ATP13A3: variants seen among roughly 807,000 people sequenced by gnomAD.
ATP13A3 encodes the protein polyamine-transporting ATPase 13A3.
In ATP13A3, 59 loss-of-function variants were observed where a neutral mutation model predicts 158.1. The ratio of observed to expected loss-of-function variants is 0.37; its 90% CI spans 0.30 to 0.46. The LOEUF (loss-of-function observed/expected upper bound fraction) is 0.46. Ranked by LOEUF, ATP13A3 falls within the 20% of genes least tolerant of loss-of-function variation. The pLI is 1.00. For missense variants in ATP13A3, 1,166 were observed against 1,525.2 expected (o/e 0.76, Z 3.92); for synonymous variants, 491 against 504.3 (o/e 0.97, Z 0.35).
intron 28 of ATP13A3, among the ~76,000 whole-genome samples, chr3:194,428,092 A>G (rs957952620): frequency 3.9e-5 from 6 of 151,956 alleles, no homozygotes; most frequent in African/African-American, 1.4e-4. Flanking sequence ...ATGATGGTGC[A>G]CACCTGTAAT....
chr3:194,458,015 AC>A (rs1484543732), intron 6 of ATP13A3, among the ~76,000 whole-genome samples: 1 of 152,000 alleles, frequency 6.6e-6, no homozygotes, highest in African/African-American at 2.4e-5. Flanking sequence ...CAAGCTCTTG[AC>A]CTCAGGTGAT....
At chr3:194,442,773 A>G (rs534706817) in intron 15 of ATP13A3, among the ~76,000 whole-genome samples, 1 of 152,330 alleles carries the variant, frequency 6.6e-6, no homozygotes, top group East Asian at 1.9e-4. Context: ...TAAAAAGATC[A>G]CAGTGAATCT....
intron 3 of ATP13A3, among the ~76,000 whole-genome samples, chr3:194,461,915 ACTT>A (rs1418841721): frequency 2.0e-5 from 3 of 152,204 alleles, no homozygotes; most frequent in Admixed American, 6.5e-5. Flanking sequence ...GCAAAAACAT[ACTT>A]CTTCTCAGTT....
chr3:194,431,617 A>T (rs956877197), intron 22 of ATP13A3, 100 bp downstream of exon 22: 1 of 1,184,070 alleles, frequency 8.4e-7, no homozygotes, highest in Admixed American at 3.6e-5. Flanking sequence ...GTTTTCATTT[A>T]GTTTTTGCTT....
At chr3:194,483,754 C>T (rs977325012) in intron 2 of ATP13A3, among the ~76,000 whole-genome samples, 1 of 152,148 alleles carries the variant, frequency 6.6e-6, no homozygotes, top group Non-Finnish European at 1.5e-5. Flanking sequence ...AGAGGTAACA[C>T]CAAGAAGAAA....
At chr3:194,485,591 T>G (rs922370296) in intron 2 of ATP13A3, among the ~76,000 whole-genome samples, 28 of 152,192 alleles carry the variant, frequency 1.8e-4, no homozygotes, top group African/African-American at 5.5e-4. Context: ...TTCCTTAAAT[T>G]CTAACTTCCT....
rs918385142 is a variant in ATP13A3, at chr3:194,448,985, A to G, written c.971-349T>C. Among the ~76,000 whole-genome samples the G allele has an allele frequency of 6.6e-6, 1 of 151,538 alleles. No homozygotes were observed. The highest frequency in any genetic ancestry group is 1.5e-5 in the Non-Finnish European group (1 of 67,836). On this transcript the variant is annotated intron_variant, in intron 11 of 33. Transcript: ENST00000645319. This position sits in a 1 kb window ranked among gnomAD's most constrained non-coding sequence, Gnocchi z 4.0. ...ATAGTCCCTGCACCTCTAAGAACTA[A>G]TGGTAACAGTGGAAAGCACTGTACA...
chr3:194,438,827 G>T, intron 17 of ATP13A3, 29 bp downstream of exon 17: 1 of 1,404,516 alleles, frequency 7.1e-7, no homozygotes, highest in East Asian at 2.4e-5. Flanking sequence ...ACCACCAACA[G>T]TTTTATCTAG....
At chr3:194,453,620 ATATG>A in intron 10 of ATP13A3, 82 bp downstream of exon 10, 1 of 974,164 alleles carries the variant, frequency 1.0e-6, no homozygotes, top group Admixed American at 2.0e-5. Flanking sequence ...CAAAGAATGT[ATATG>A]TATTATACTT....
chr3:194,463,457 TCA>T (rs1424256968), intron 2 of ATP13A3, among the ~76,000 whole-genome samples: 2 of 152,160 alleles, frequency 1.3e-5, no homozygotes, highest in Non-Finnish European at 2.9e-5. Context: ...ATTTGAAATA[TCA>T]GTTTTAATTC....
intron 31 of ATP13A3, among the ~76,000 whole-genome samples, chr3:194,417,145 A>C (rs1278099795): frequency 6.6e-6 from 1 of 152,120 alleles, no homozygotes; most frequent in Non-Finnish European, 1.5e-5. Context: ...AACTAAACTT[A>C]AAAGTTAAGA....
chr3:194,462,321 T>C, intron 2 of ATP13A3, 85 bp from the exon 3 acceptor site: 7 of 941,274 alleles, frequency 7.4e-6, no homozygotes, highest in Non-Finnish European at 1.1e-5. Flanking sequence ...CTGTCTATTA[T>C]ACAAGGGGTC....
chr3:194,441,495 A>C, intron 15 of ATP13A3, 34 bp from the exon 16 acceptor site: 2 of 1,576,546 alleles, frequency 1.3e-6, no homozygotes, highest in Non-Finnish European at 1.7e-6. Context: ...AGTTTCATAA[A>C]TTCTAAGATT....
chr3:194,427,219 G>A lies in ATP13A3; in HGVS notation c.2981C>T (p.Ala994Val). The A allele has an allele frequency of 6.2e-7, 1 of 1,608,008 alleles. No homozygotes were observed. The highest frequency in any genetic ancestry group is 8.5e-7 in the Non-Finnish European group (1 of 1,178,698). Residue 994 changes from alanine (A) to valine (V), a missense_variant, in exon 29 of 34, where the codon GCA becomes GTA. Around this residue, in one of 3 missense-constraint regions of ATP13A3, gnomAD observed 997 missense variants for 1,341.2 expected, o/e 0.74. Transcript: ENST00000645319. ...SLNPAWKELV[A>V]QRPPSGLISG... Reference sequence around the variant, plus strand: ...TATAAGACCCGAAGGTGGTCTTTGTGCCACAAGTTCTTTCCAGGCAGGATT... The same window carrying A: ...TATAAGACCCGAAGGTGGTCTTTGTACCACAAGTTCTTTCCAGGCAGGATT...
chr3:194,465,260 T>C (rs1376791641), intron 2 of ATP13A3, among the ~76,000 whole-genome samples: 2 of 152,156 alleles, frequency 1.3e-5, no homozygotes, highest in Non-Finnish European at 2.9e-5. Context: ...GCAGTTTCCC[T>C]GAGTTTGGGA....
At chr3:194,416,838 T>C (rs1715889736) in intron 31 of ATP13A3, among the ~76,000 whole-genome samples, 2 of 152,106 alleles carry the variant, frequency 1.3e-5, no homozygotes, top group African/African-American at 4.8e-5. Flanking sequence ...GGGAACAAGA[T>C]GAATATCTAA....
chr3:194,419,851 C>A, intron 31 of ATP13A3, 28 bp downstream of exon 31: 1 of 1,551,286 alleles, frequency 6.4e-7, no homozygotes, highest in South Asian at 1.3e-5. Flanking sequence ...GTCTTTTTCC[C>A]CAAACAAATG....
intron 2 of ATP13A3, among the ~76,000 whole-genome samples, chr3:194,473,604 C>T (rs10212615): frequency 0.051 from 7,728 of 152,160 alleles, 271 homozygotes; most frequent in East Asian, 0.17. Flanking sequence ...GCCATACCAC[C>T]TTGAACGTGC....
At chr3:194,464,151 A>G (rs1217937442) in intron 2 of ATP13A3, among the ~76,000 whole-genome samples, 1 of 151,960 alleles carries the variant, frequency 6.6e-6, no homozygotes, top group East Asian at 1.9e-4. Context: ...ACAGAGAAAG[A>G]CTCCATCTCA....
Sources: gnomAD v4.1 joint callset for allele counts (sites outside exome capture counted in the v4.1 genomes callset) on GRCh38, gnomAD v4.1.1 for gene constraint, gnomAD v4.1.1 regional missense constraint, Gnocchi (gnomAD v3.1) non-coding constraint, MANE v1.5 for transcripts, NCBI Gene and HGNC (gene_info 2026-07-23, HGNC 2026-07-21) for gene names.